LMO7: variants seen among roughly 807,000 people sequenced by gnomAD.
LMO7 encodes LIM domain 7.
A neutral mutation model predicts 206.5 loss-of-function variants in LMO7; 120 were observed. The observed-to-expected ratio is 0.58, with a 90% confidence interval of 0.50 to 0.68. LMO7 has a LOEUF of 0.68. LMO7 is among the 30% of genes least tolerant of loss of function. The pLI is 0.00. For missense variants in LMO7, 1,959 were observed against 1,957.9 expected, an observed-to-expected ratio of 1.00 and a Z score of -0.01; for synonymous variants, 706 against 681.5, an observed-to-expected ratio of 1.04 and a Z score of -0.56.
intron 1 of LMO7, among the ~76,000 whole-genome samples, chr13:75,671,149 C>T (rs1253044476): frequency 6.6e-6 from 1 of 151,768 alleles, no homozygotes; most frequent in Non-Finnish European, 1.5e-5. Flanking sequence ...TCCTATGACA[C>T]CAATGCCTTC....
intron 1 of LMO7, among the ~76,000 whole-genome samples, chr13:75,709,414 C>A (rs61958146): frequency 0.072 from 10,666 of 148,812 alleles, 873 homozygotes; most frequent in African/African-American, 0.19. Context: ...AGTCCCACCA[C>A]CAGTGTAAAA....
chr13:75,733,456 C>T (rs636505), intron 3 of LMO7, among the ~76,000 whole-genome samples: 76,601 of 152,066 alleles, frequency 0.5, 20,680 homozygotes, highest in African/African-American at 0.7. Context: ...TCTCCTGGTG[C>T]GCCGTTTTTT....
intron 2 of LMO7, among the ~76,000 whole-genome samples, chr13:75,630,508 A>G (rs1004055879): frequency 2.6e-5 from 4 of 152,152 alleles, no homozygotes; most frequent in Non-Finnish European, 4.4e-5. Flanking sequence ...CACCGTCTCT[A>G]CAAAAAATAC....
At chr13:75,691,491 C>T (rs1237550908) in intron 1 of LMO7, among the ~76,000 whole-genome samples, 2 of 152,146 alleles carry the variant, frequency 1.3e-5, no homozygotes. Context: ...TCATCATCAG[C>T]CTGAACACTC....
intron 2 of LMO7, among the ~76,000 whole-genome samples, chr13:75,719,794 TAATACA>T (rs934778578): frequency 1.1e-4 from 16 of 152,362 alleles, no homozygotes; most frequent in African/African-American, 3.8e-4. Flanking sequence ...GAGAATGGAC[TAATACA>T]ATCCATGTGC....
chr13:75,729,850 T>G (rs1263727529), intron 3 of LMO7, among the ~76,000 whole-genome samples: 12 of 150,764 alleles, frequency 8.0e-5, no homozygotes. Context: ...GTTGTTGAAT[T>G]TTGTCAAAGG....
At chr13:75,758,731 T>C (rs1442352684) in intron 3 of LMO7, among the ~76,000 whole-genome samples, 2 of 152,194 alleles carry the variant, frequency 1.3e-5, no homozygotes, top group Non-Finnish European at 1.5e-5. Flanking sequence ...AGATGAATGC[T>C]ATTATGTTTG....
chr13:75,755,339 CT>C (rs1052041064), intron 3 of LMO7, among the ~76,000 whole-genome samples: 33 of 152,146 alleles, frequency 2.2e-4, no homozygotes, highest in African/African-American at 7.2e-4. Flanking sequence ...AAAGAAATCT[CT>C]TGTTGTTTTC....
intron 3 of LMO7, among the ~76,000 whole-genome samples, chr13:75,759,654 C>T (rs1331687284): frequency 6.6e-6 from 1 of 152,168 alleles, no homozygotes; most frequent in Non-Finnish European, 1.5e-5. Flanking sequence ...ATTGGAATGA[C>T]CAGGATCCTG....
chr13:75,817,800 T>G (rs1447800696), intron 12 of LMO7, among the ~76,000 whole-genome samples: 2 of 152,176 alleles, frequency 1.3e-5, no homozygotes, highest in Non-Finnish European at 2.9e-5. Context: ...CAAAATGAAA[T>G]GTTTTTGCAG....
chr13:75,854,018 G>T (rs2060715090), intron 28 of LMO7, among the ~76,000 whole-genome samples: 1 of 152,158 alleles, frequency 6.6e-6, no homozygotes, highest in Non-Finnish European at 1.5e-5. Flanking sequence ...TATGGTGTGG[G>T]AAGTGTATAT....
At chr13:75,780,240 G>T (rs371626534) in intron 4 of LMO7, among the ~76,000 whole-genome samples, 21 of 152,246 alleles carry the variant, frequency 1.4e-4, no homozygotes, top group African/African-American at 4.3e-4. Context: ...TCGCCAGGCT[G>T]GAATTTCCCA....
At chr13:75,822,780 A>ATATATG (rs1555337572) in intron 14 of LMO7, among the ~76,000 whole-genome samples, 1 of 133,986 alleles carries the variant, frequency 7.5e-6, no homozygotes, top group African/African-American at 2.7e-5. Flanking sequence ...ATATATATAT[A>ATATATG]TATATATATA....
At chr13:75,737,749 T>C (rs1277122168) in intron 3 of LMO7, among the ~76,000 whole-genome samples, 2 of 5,092 alleles carry the variant, frequency 3.9e-4, no homozygotes, top group African/African-American at 5.5e-4. Flanking sequence ...CGAGACTCCG[T>C]CTCAAAAAAA....
chr13:75,643,927 A>T (rs906842253), intron 1 of LMO7, among the ~76,000 whole-genome samples: 1 of 152,166 alleles, frequency 6.6e-6, no homozygotes, highest in African/African-American at 2.4e-5. Context: ...ATGTTGGTAT[A>T]CAGCACCTGA....
chr13:75,778,240 T>C (rs574013744), intron 4 of LMO7, among the ~76,000 whole-genome samples: 3 of 152,182 alleles, frequency 2.0e-5, no homozygotes, highest in African/African-American at 7.2e-5. Context: ...TTTATTTATT[T>C]ATATTTTTTT....
At position 75,683,767 on chromosome 13, in the gene LMO7, A is replaced by T. The variant is rs181162725; in HGVS notation, c.70-29415A>T. Among the ~76,000 whole-genome samples the T allele has an allele frequency of 1.1e-4, 17 of 152,302 alleles. No individual in the cohort carries two copies. In the East Asian group the frequency reaches 3.3e-3, roughly 29 times the overall value. Reference sequence around the variant, plus strand: ...ATACATCAATACATGTAAGATTTACATTGGTTCCATCTGGAAGTGTGACAA... The same window carrying T: ...ATACATCAATACATGTAAGATTTACTTTGGTTCCATCTGGAAGTGTGACAA... On this transcript the variant is annotated intron_variant, in intron 1 of 30. Coordinates refer to ENST00000377534, the MANE Select transcript of LMO7 (RefSeq NM_001306080.2).
chr13:75,840,395 C>T lies in LMO7; in HGVS notation c.3482C>T (p.Pro1161Leu), dbSNP rs776852274. ...TCTTCTCTGATAACTGGTTAGCTTC[C>T]AGTTCCAACCATCAGTGCCCCGAGT... ...GSSDSVVPDL[P>L]VPTISAPSRW... The change falls in exon 22 of 31, where the codon CCA becomes CTA. Residue 1161 changes from proline to leucine, a missense_variant. Transcript: ENST00000377534. The T allele has an allele frequency of 1.2e-6, 2 of 1,613,938 alleles. No homozygotes were observed. The highest frequency in any genetic ancestry group is 1.1e-5 in the South Asian group (1 of 91,062).
intron 1 of LMO7, among the ~76,000 whole-genome samples, chr13:75,672,429 C>T (rs1003568469): frequency 1.3e-5 from 2 of 151,828 alleles, no homozygotes; most frequent in African/African-American, 2.4e-5. Flanking sequence ...TTAGTAGAGA[C>T]GGGGTTTCTT....
Sources: allele counts gnomAD v4.1 joint callset (sites outside exome capture counted in the v4.1 genomes callset), GRCh38; gene constraint gnomAD v4.1.1; transcripts MANE v1.5; gene names NCBI Gene and HGNC (gene_info 2026-07-23, HGNC 2026-07-21).